Variants in NME9 observed in about 807,000 individuals in gnomAD.
The protein encoded by NME9 is NME/NM23 family member 9.
Under a neutral mutation model 44.4 loss-of-function variants are expected in NME9, and 48 were observed. The ratio of observed to expected loss-of-function variants is 1.08; its 90% CI spans 0.86 to 1.37. The LOEUF (loss-of-function observed/expected upper bound fraction) is 1.37, where lower values mean the gene tolerates loss of function less well. Ranked by LOEUF, NME9 falls within the 40% of genes most tolerant of loss-of-function variation. The probability of loss-of-function intolerance (pLI) is 0.00; values close to 1 mark genes in which losing one functional copy is unlikely to be tolerated. For missense variants in NME9, 325 were observed against 405.2 expected (o/e 0.80, Z 1.70); for synonymous variants, 139 against 147.1 (o/e 0.94, Z 0.40).
intron 8 of NME9, among the ~76,000 whole-genome samples, chr3:138,262,850 CA>C (rs2047890893): frequency 6.6e-6 from 1 of 152,172 alleles, no homozygotes; most frequent in African/African-American, 2.4e-5. Context: ...GGCTGTATTA[CA>C]AGTGTGGCTG....
At chr3:138,300,647 G>C (rs1383812192), downstream of NME9, among the ~76,000 whole-genome samples, 1 of 152,202 alleles carries the variant, frequency 6.6e-6, no homozygotes, top group African/African-American at 2.4e-5. Context: ...CAATTCAGTG[G>C]GAGCTGAAGG....
At chr3:138,279,640 A>G (rs1482235485) in intron 8 of NME9, among the ~76,000 whole-genome samples, 1 of 152,204 alleles carries the variant, frequency 6.6e-6, no homozygotes, top group African/African-American at 2.4e-5. Context: ...TTTTGATGGA[A>G]TGCTACCAGT....
At chr3:138,296,060 T>G (rs1014188678), downstream of NME9, 13 of 556,456 alleles carry the variant, frequency 2.3e-5, no homozygotes, top group Non-Finnish European at 3.0e-5. Context: ...TTGAGAACAT[T>G]TTTTTGAGGT....
chr3:138,303,331 A>AT (rs2051976341), intron 10 of NME9, 176 bp downstream of exon 10: 1 of 474,570 alleles, frequency 2.1e-6, no homozygotes, highest in Non-Finnish European at 3.8e-6. Flanking sequence ...TGAGAACACA[A>AT]AACAGTTTAG....
At chr3:138,264,834 A>C (rs2048118691) in intron 8 of NME9, among the ~76,000 whole-genome samples, 1 of 148,966 alleles carries the variant, frequency 6.7e-6, no homozygotes. Context: ...GGTTCTGAAA[A>C]GCAAAGGAAT....
At chr3:138,298,895 G>A (rs995334120), downstream of NME9, among the ~76,000 whole-genome samples, 3 of 152,192 alleles carry the variant, frequency 2.0e-5, no homozygotes, top group African/African-American at 7.2e-5. Flanking sequence ...GGAGGATGAT[G>A]AGGTGGCTAG....
At chr3:138,322,815 C>G (rs2053556634) in intron 2 of NME9, among the ~76,000 whole-genome samples, 1 of 152,144 alleles carries the variant, frequency 6.6e-6, no homozygotes, top group South Asian at 2.1e-4. Flanking sequence ...TGGATGTTAG[C>G]TACTATCACA....
rs530007029 is a variant in NME9, at chr3:138,324,974, G to C, written c.34-44C>G. The C allele has an allele frequency of 6.0e-5, 89 of 1,485,944 alleles. 1 individual carries two copies. The South Asian group carries it at 9.5e-4, about 16-fold the overall frequency. The allele number at this position is 1,485,944 out of a possible 1,614,324, so 92.0% of individuals were successfully genotyped here. ...AAATGCCGTATTACTGAGGGCTCAG[G>C]CAGGGAAACAATTCAATCTATTTGC... is the stretch of plus-strand genomic sequence containing the variant. On this transcript the variant is annotated intron_variant, in intron 1 of 10. Transcript: ENST00000333911.
chr3:138,287,860 A>T, intron 8 of NME9: 1 of 293,580 alleles, frequency 3.4e-6, no homozygotes, highest in East Asian at 8.0e-5. Context: ...CATACTAGAA[A>T]TTTTTTTTAT....
intron 9 of NME9, 59 bp downstream of exon 9, chr3:138,304,814 T>G (rs2052112543): frequency 5.2e-6 from 8 of 1,544,986 alleles, no homozygotes; most frequent in Non-Finnish European, 6.2e-6. Context: ...TGAGTGGGAC[T>G]CAGCCTCCTG....
chr3:138,294,339 G>A (rs965905042), intron 8 of NME9, among the ~76,000 whole-genome samples: 9 of 152,146 alleles, frequency 5.9e-5, no homozygotes, highest in African/African-American at 1.7e-4. Flanking sequence ...CAGAGCTCCC[G>A]CCTCCATCAG....
At chr3:138,319,712 G>A in intron 2 of NME9, 131 bp from the exon 3 acceptor site, 3 of 623,710 alleles carry the variant, frequency 4.8e-6, no homozygotes, top group Non-Finnish European at 5.8e-6. Flanking sequence ...TGGTTAAAGG[G>A]ATTTACTATC....
chr3:138,285,812 T>A (rs780039516), intron 8 of NME9, among the ~76,000 whole-genome samples: 4 of 152,194 alleles, frequency 2.6e-5, no homozygotes, highest in Non-Finnish European at 4.4e-5. Context: ...ATGAAAACCT[T>A]ACCACTTCAA....
intron 8 of NME9, among the ~76,000 whole-genome samples, chr3:138,285,106 A>T (rs1286044487): frequency 2.0e-5 from 3 of 152,214 alleles, no homozygotes; most frequent in African/African-American, 7.2e-5. Context: ...GCCATGTCAG[A>T]GTTAACAACT....
At chr3:138,311,671 A>G (rs539497059) in intron 6 of NME9, among the ~76,000 whole-genome samples, 2 of 152,310 alleles carry the variant, frequency 1.3e-5, no homozygotes, top group African/African-American at 2.4e-5. Context: ...CTGAAAAACC[A>G]TTCAATAAAA....
intron 6 of NME9, among the ~76,000 whole-genome samples, chr3:138,307,941 T>G (rs935600301): frequency 2.0e-5 from 3 of 151,456 alleles, no homozygotes; most frequent in African/African-American, 7.3e-5. Flanking sequence ...TTTCAGGGAG[T>G]AGTGAGCGCA....
At chr3:138,284,630 A>T (rs1321782807) in intron 8 of NME9, 2 of 857,090 alleles carry the variant, frequency 2.3e-6, no homozygotes, top group Admixed American at 4.2e-5. Flanking sequence ...AAAAGAATAG[A>T]TTACTCTGTG....
intron 5 of NME9, among the ~76,000 whole-genome samples, chr3:138,314,856 T>C (rs1207533639): frequency 6.6e-6 from 1 of 152,204 alleles, no homozygotes; most frequent in Non-Finnish European, 1.5e-5. Context: ...ATCCATTCTA[T>C]AAAAATGGAG....
chr3:138,263,587 C>T (rs568422712), intron 8 of NME9: 28 of 695,670 alleles, frequency 4.0e-5, no homozygotes, highest in East Asian at 2.1e-4. Context: ...ATGAGCTGCC[C>T]GCCCCCAGCG....
Sources: gnomAD v4.1 joint callset for allele counts (sites outside exome capture counted in the v4.1 genomes callset) on GRCh38, gnomAD v4.1.1 for gene constraint, MANE v1.5 for transcripts, NCBI Gene and HGNC (gene_info 2026-07-23, HGNC 2026-07-21) for gene names.